Variants in CLIP2 observed in about 807,000 individuals in gnomAD.
CLIP2 encodes CAP-Gly domain-containing linker protein 2.
Under a neutral mutation model 111.7 loss-of-function variants are expected in CLIP2, and 41 were observed. The observed-to-expected ratio is 0.37, with a 90% CI of 0.29 to 0.48. The LOEUF is 0.48. CLIP2 is among the 20% of genes least tolerant of loss of function. CLIP2 has a pLI of 0.99. For synonymous variants in CLIP2, 660 were observed against 644.2 expected (o/e 1.02, Z -0.37); for missense variants, 1,160 against 1,422.1 (o/e 0.82, Z 2.96).
chr7:74,370,778 G>T (rs1267496466), intron 8 of CLIP2, among the ~76,000 whole-genome samples: 1 of 152,034 alleles, frequency 6.6e-6, no homozygotes, highest in Admixed American at 6.6e-5. Context: ...TGCCTGCCTT[G>T]TACAAGGAGT....
intron 2 of CLIP2, among the ~76,000 whole-genome samples, chr7:74,324,455 C>G (rs1789058169): frequency 6.6e-6 from 1 of 152,174 alleles, no homozygotes; most frequent in Admixed American, 6.6e-5. Flanking sequence ...CACCTGCTTC[C>G]TAGTCACATT....
intron 11 of CLIP2, among the ~76,000 whole-genome samples, chr7:74,381,429 C>T (rs942770218): frequency 2.6e-5 from 4 of 152,128 alleles, no homozygotes; most frequent in East Asian, 3.9e-4. Context: ...CTGCGTGATC[C>T]GCCCGCCTTG....
At chr7:74,339,056 C>T in intron 3 of CLIP2, 52 bp downstream of exon 3, 1 of 1,525,118 alleles carries the variant, frequency 6.6e-7, no homozygotes, top group Non-Finnish European at 8.8e-7. Context: ...CCCTCCCCTG[C>T]TCCGCCCCAC....
intron 1 of CLIP2, among the ~76,000 whole-genome samples, chr7:74,290,219 T>A (rs1787975727): frequency 6.6e-6 from 1 of 152,206 alleles, no homozygotes; most frequent in Non-Finnish European, 1.5e-5. Context: ...GAACAGGGAC[T>A]GCCCCCCTCT....
In CLIP2 at chr7:74,376,761, T is replaced by G; in HGVS notation, c.2360T>G (p.Leu787Arg). 6.2e-7 allele frequency: 1 copy of G among 1,611,658 alleles called. No homozygotes were observed. The highest frequency in any genetic ancestry group is 2.2e-5 in the East Asian group (1 of 44,784). ...KQEVESLREK[L>R]LVAENRLQAV... ...GAGGTCGAGAGTTTGCGGGAGAAGC[T>G]CCTGGTGGCTGAGAACAGACTCCAG... The change falls in exon 10 of 17, where the codon CTC becomes CGC. Residue 787 changes from leucine to arginine, a missense_variant. By Grantham distance (102) the Leu-to-Arg change is moderately radical. Coordinates refer to ENST00000223398, the MANE Select transcript of CLIP2 (RefSeq NM_003388.5). This position sits in a 1 kb window ranked among gnomAD's most constrained non-coding sequence, Gnocchi z 7.1.
intron 1 of CLIP2, among the ~76,000 whole-genome samples, chr7:74,298,965 G>A (rs1422470715): frequency 1.3e-5 from 2 of 152,130 alleles, no homozygotes; most frequent in African/African-American, 4.8e-5. Flanking sequence ...AATGTGGGTG[G>A]GTGTCTGTGG....
At chr7:74,320,195 CAAAAA>C (rs34079690) in intron 2 of CLIP2, among the ~76,000 whole-genome samples, 37 of 99,248 alleles carry the variant, frequency 3.7e-4, no homozygotes, top group South Asian at 1.0e-3. Flanking sequence ...GATTCCATCT[CAAAAA>C]AAAAAAAAAA....
chr7:74,309,400 C>T (rs1443104918), intron 1 of CLIP2, among the ~76,000 whole-genome samples: 3 of 152,194 alleles, frequency 2.0e-5, no homozygotes, highest in Admixed American at 6.5e-5. Flanking sequence ...GACATTTCTA[C>T]TACCCAGAAA....
chr7:74,351,844 TAAATAAAATA>T (rs1323512647), intron 3 of CLIP2, among the ~76,000 whole-genome samples: 2 of 151,104 alleles, frequency 1.3e-5, no homozygotes, highest in Admixed American at 6.6e-5. Flanking sequence ...TCAAAATAAA[TAAATAAAATA>T]AAATAAAATA....
chr7:74,361,841 C>T (rs767859205), intron 7 of CLIP2, among the ~76,000 whole-genome samples: 28 of 152,132 alleles, frequency 1.8e-4, no homozygotes, highest in Middle Eastern at 3.2e-3. Context: ...TGGTTCATGC[C>T]TGTAATCTCA....
In CLIP2 at chr7:74,375,992, C is replaced by G; in HGVS notation, c.1591C>G (p.Pro531Ala). Residue 531 changes from proline (P) to alanine (A), a missense_variant, in exon 10 of 17, where the codon CCC becomes GCC. This residue lies in a region of CLIP2 where 676 missense variants were observed against 777.8 expected (regional missense o/e 0.87). Coordinates refer to ENST00000223398, the MANE Select transcript of CLIP2 (RefSeq NM_003388.5). The stretch of plus-strand genomic sequence containing the variant: ...CCAGCAGTGCCTGTTGCACTCGGGT[C>G]CCCCACCTCCGGACCACCCAGACGC... ...ELQQCLLHSGPPPPDHPDAAE... is the reference protein window; with the variant it reads ...ELQQCLLHSGAPPPDHPDAAE... 1 of 1,611,340 alleles carries G rather than the reference C, an allele frequency of 6.2e-7. No individual in the cohort carries two copies. Among genetic ancestry groups the G allele is most frequent in the Non-Finnish European group, 8.5e-7 (1 of 1,179,378 alleles).
intron 13 of CLIP2, among the ~76,000 whole-genome samples, chr7:74,390,384 GC>G (rs1554315689): frequency 6.6e-6 from 1 of 151,948 alleles, no homozygotes; most frequent in East Asian, 1.9e-4. Context: ...AAAATAAGAA[GC>G]CAGGCCAGGC....
At chr7:74,318,090 C>T (rs782485702) in intron 2 of CLIP2, among the ~76,000 whole-genome samples, 18 of 151,508 alleles carry the variant, frequency 1.2e-4, no homozygotes, top group East Asian at 1.9e-4. Context: ...CCCAGCTACT[C>T]GAGAGGCTGA....
At chr7:74,397,683 T>C (rs1791498250) in intron 14 of CLIP2, among the ~76,000 whole-genome samples, 1 of 147,658 alleles carries the variant, frequency 6.8e-6, no homozygotes, top group African/African-American at 2.5e-5. Context: ...TTTTTTTTTT[T>C]TGAGACAGAG....
At chr7:74,370,329 G>A (rs1180059525) in intron 8 of CLIP2, among the ~76,000 whole-genome samples, 4 of 151,206 alleles carry the variant, frequency 2.6e-5, no homozygotes, top group African/African-American at 7.3e-5. Flanking sequence ...GGTGGCGGGC[G>A]CCTGCAGTCC....
At chr7:74,349,243 C>T (rs1406670014) in intron 3 of CLIP2, among the ~76,000 whole-genome samples, 2 of 151,204 alleles carry the variant, frequency 1.3e-5, no homozygotes, top group Non-Finnish European at 2.9e-5. Flanking sequence ...CCATCTTGGC[C>T]AACATGGAAA....
At chr7:74,296,012 G>A (rs1348123981) in intron 1 of CLIP2, among the ~76,000 whole-genome samples, 7 of 143,142 alleles carry the variant, frequency 4.9e-5, no homozygotes, top group East Asian at 2.0e-4. Context: ...AAAAAAAAGC[G>A]TTTTTATAGA....
chr7:74,382,917 C>G (rs545009696), intron 11 of CLIP2, among the ~76,000 whole-genome samples: 1 of 150,432 alleles, frequency 6.6e-6, no homozygotes, highest in Non-Finnish European at 1.5e-5. Context: ...ACAAAAAATA[C>G]CCCCCTCCAA....
At chr7:74,307,522 G>A (rs1341586097) in intron 1 of CLIP2, among the ~76,000 whole-genome samples, 1 of 152,086 alleles carries the variant, frequency 6.6e-6, no homozygotes, top group East Asian at 1.9e-4. Flanking sequence ...TTTGAGTGTC[G>A]ATCTGTCGCC....
Sources: allele counts gnomAD v4.1 joint callset (sites outside exome capture counted in the v4.1 genomes callset), GRCh38; gene constraint gnomAD v4.1.1; regional missense constraint gnomAD v4.1.1; non-coding constraint Gnocchi (gnomAD v3.1); transcripts MANE v1.5; gene names NCBI Gene and HGNC (gene_info 2026-07-23, HGNC 2026-07-21).